The following MARCHF4 variants were observed in gnomAD, a reference collection of about 807,000 sequenced individuals.
MARCHF4 encodes the protein E3 ubiquitin-protein ligase MARCHF4.
MARCHF4 carries 14 observed loss-of-function variants against 43.9 expected under a neutral mutation model. The observed-to-expected ratio is 0.32, with a 90% confidence interval of 0.21 to 0.50. The LOEUF (loss-of-function observed/expected upper bound fraction) is 0.50, where lower values mean the gene tolerates loss of function less well. MARCHF4 is among the 20% of genes least tolerant of loss of function. The pLI, the probability that MARCHF4 is intolerant of heterozygous loss-of-function variation, is 0.98. For synonymous variants in MARCHF4, 226 were observed against 213.3 expected, an observed-to-expected ratio of 1.06 and a Z score of -0.52; for missense variants, 468 against 536.7, an observed-to-expected ratio of 0.87 and a Z score of 1.27.
chr2:216,354,891 TTTTCTTTCTTTCTTTCTTTCTTTC>T (rs71054468), intron 1 of MARCHF4, among the ~76,000 whole-genome samples: 1,802 of 86,742 alleles, frequency 0.021, 43 homozygotes, highest in East Asian at 0.039. Context: ...TTAATAATTG[TTTTCTTTCTTTCTTTCTTTCTTTC>T]TTTCTTTCTT....
chr2:216,279,188 C>G (rs114657483), intron 2 of MARCHF4, among the ~76,000 whole-genome samples: 2,142 of 152,236 alleles, frequency 0.014, 58 homozygotes, highest in African/African-American at 0.048. Context: ...TAAGCGGTTA[C>G]TAGGCAAAGA....
At chr2:216,278,054 T>A (rs1691056752) in intron 2 of MARCHF4, among the ~76,000 whole-genome samples, 190 bp from the exon 3 acceptor site, 1 of 152,164 alleles carries the variant, frequency 6.6e-6, no homozygotes, top group South Asian at 2.1e-4. Flanking sequence ...AGAGGAAATC[T>A]CTGTCACACC....
chr2:216,333,768 T>A (rs1223975745), intron 1 of MARCHF4, among the ~76,000 whole-genome samples: 1 of 152,100 alleles, frequency 6.6e-6, no homozygotes, highest in Non-Finnish European at 1.5e-5. Flanking sequence ...GCTTCTATCC[T>A]CCTATATTTA....
chr2:216,304,078 A>T (rs759050705), intron 1 of MARCHF4, among the ~76,000 whole-genome samples: 9 of 152,170 alleles, frequency 5.9e-5, no homozygotes, highest in African/African-American at 1.9e-4. Flanking sequence ...GAGACATGTC[A>T]TGGGGGTACT....
At chr2:216,327,436 C>T (rs1692013480) in intron 1 of MARCHF4, among the ~76,000 whole-genome samples, 1 of 152,078 alleles carries the variant, frequency 6.6e-6, no homozygotes, top group Non-Finnish European at 1.5e-5. Context: ...CTCCCCACCC[C>T]CAGCCAATTT....
intron 3 of MARCHF4, among the ~76,000 whole-genome samples, chr2:216,261,381 C>T (rs1340270680): frequency 6.6e-6 from 1 of 152,204 alleles, no homozygotes; most frequent in Non-Finnish European, 1.5e-5. Context: ...TCTCCTACTA[C>T]TCTTCTGTCA....
intron 1 of MARCHF4, among the ~76,000 whole-genome samples, chr2:216,334,637 GC>G (rs1692131363): frequency 6.6e-6 from 1 of 152,124 alleles, no homozygotes; most frequent in Non-Finnish European, 1.5e-5. Flanking sequence ...CTGGCCTCAA[GC>G]AATCCTCCCA....
Position 216,370,618 on chromosome 2 carries a change from C to G in MARCHF4, c.-358G>C, listed in dbSNP as rs1396043402. On this transcript the variant is annotated 5_prime_UTR_variant, in exon 1 of 4. Transcript: ENST00000273067. ...GTGGAGGGGCCACTAGAGCCTCTGT[C>G]GAATTGTTTAAATCAATGTCGAATT... is the stretch of plus-strand genomic sequence containing the variant. The G allele has an allele frequency of 4.8e-6, 1 of 208,576 alleles. No individual in the cohort carries two copies. The allele number at this position is 208,576 out of a possible 1,614,324, so 12.9% of individuals were successfully genotyped here.
chr2:216,278,325 A>G (rs1014372843), intron 2 of MARCHF4, among the ~76,000 whole-genome samples: 3 of 152,032 alleles, frequency 2.0e-5, no homozygotes, highest in African/African-American at 7.2e-5. Flanking sequence ...CCGGGTTCAC[A>G]CCATTCTCTT....
chr2:216,272,311 T>G (rs1353103746), intron 3 of MARCHF4, among the ~76,000 whole-genome samples: 1 of 152,152 alleles, frequency 6.6e-6, no homozygotes, highest in Non-Finnish European at 1.5e-5. Flanking sequence ...TCTCAATTGA[T>G]GTCAAAATAG....
At chr2:216,367,944 G>A (rs12464338) in intron 1 of MARCHF4, among the ~76,000 whole-genome samples, 41,704 of 146,586 alleles carry the variant, frequency 0.28, 6,272 homozygotes, top group East Asian at 0.52. Flanking sequence ...GAGGAAAGGA[G>A]GGGGGGGCAT....
intron 1 of MARCHF4, among the ~76,000 whole-genome samples, chr2:216,300,123 T>G (rs1236312363): frequency 6.6e-6 from 1 of 152,150 alleles, no homozygotes; most frequent in Non-Finnish European, 1.5e-5. Context: ...ACATTAACTT[T>G]GTGACCTTGG....
intron 1 of MARCHF4, among the ~76,000 whole-genome samples, chr2:216,349,852 G>T (rs1433550167): frequency 6.6e-6 from 1 of 152,150 alleles, no homozygotes; most frequent in Admixed American, 6.5e-5. Context: ...TCTCAACAGT[G>T]AGAAGCAGCA....
At chr2:216,280,334 C>T (rs1007387596) in intron 2 of MARCHF4, among the ~76,000 whole-genome samples, 4 of 151,910 alleles carry the variant, frequency 2.6e-5, no homozygotes, top group East Asian at 1.9e-4. Flanking sequence ...GAGAGACAAG[C>T]GGAAGAGCAC....
At chr2:216,299,351 C>T (rs113846192) in intron 1 of MARCHF4, among the ~76,000 whole-genome samples, 6,795 of 152,206 alleles carry the variant, frequency 0.045, 491 homozygotes, top group African/African-American at 0.16. Flanking sequence ...GGAGTATTCT[C>T]ATCAAGCGTC....
At chr2:216,324,445 A>T (rs1368938657) in intron 1 of MARCHF4, among the ~76,000 whole-genome samples, 2 of 151,702 alleles carry the variant, frequency 1.3e-5, no homozygotes, top group East Asian at 1.9e-4. Flanking sequence ...AAAAGAGGGA[A>T]CCCTCCCTAA....
At chr2:216,308,846 A>C (rs1027610212) in intron 1 of MARCHF4, among the ~76,000 whole-genome samples, 2 of 152,204 alleles carry the variant, frequency 1.3e-5, no homozygotes, top group Admixed American at 1.3e-4. Context: ...GATTCTAATT[A>C]TACAACCTGC....
At chr2:216,276,879 G>A (rs207825) in intron 3 of MARCHF4, among the ~76,000 whole-genome samples, 16 of 152,022 alleles carry the variant, frequency 1.1e-4, no homozygotes, top group Admixed American at 3.3e-4. Flanking sequence ...GACCCAGCCC[G>A]CAACCACCCA....
At chr2:216,260,968 G>A (rs947870087) in intron 3 of MARCHF4, among the ~76,000 whole-genome samples, 3 of 152,170 alleles carry the variant, frequency 2.0e-5, no homozygotes, top group Admixed American at 2.0e-4. Flanking sequence ...TTGCTGACTC[G>A]CAGGGTGGGA....
Sources: allele counts gnomAD v4.1 joint callset (sites outside exome capture counted in the v4.1 genomes callset), GRCh38; gene constraint gnomAD v4.1.1; transcripts MANE v1.5; gene names NCBI Gene and HGNC (gene_info 2026-07-23, HGNC 2026-07-21).